ITGB6: variants seen among roughly 807,000 people sequenced by gnomAD.
ITGB6 encodes integrin subunit beta 6, also known as integrin beta-6.
In ITGB6, 80 loss-of-function variants were observed where a neutral mutation model predicts 84.5. The ratio of observed to expected loss-of-function variants is 0.95; its 90% CI spans 0.79 to 1.14. The LOEUF is 1.14. ITGB6 is among the 50% of genes most tolerant of loss of function. The pLI is 0.00. For missense variants in ITGB6, 1,006 were observed against 968.0 expected (o/e 1.04, Z -0.52); for synonymous variants, 383 against 354.9 (o/e 1.08, Z -0.89).
At chr2:160,125,544 GA>G (rs1683203381) in intron 11 of ITGB6, among the ~76,000 whole-genome samples, 2 of 152,220 alleles carry the variant, frequency 1.3e-5, no homozygotes, top group Admixed American at 6.5e-5. Flanking sequence ...CAGTGGCAGA[GA>G]AGTTTTGACA....
chr2:160,148,596 G>A (rs998142650), intron 7 of ITGB6, among the ~76,000 whole-genome samples: 1 of 152,190 alleles, frequency 6.6e-6, no homozygotes, highest in Admixed American at 6.5e-5. Context: ...ATTGGGACTG[G>A]CTGGACAAAG....
intron 10 of ITGB6, among the ~76,000 whole-genome samples, chr2:160,132,646 C>A (rs531255475): frequency 6.6e-6 from 1 of 152,102 alleles, no homozygotes; most frequent in Admixed American, 6.6e-5. Context: ...ATATTTCAAT[C>A]TATAAGACAA....
intron 4 of ITGB6, among the ~76,000 whole-genome samples, chr2:160,188,883 C>T (rs909568141): frequency 1.3e-5 from 2 of 152,066 alleles, no homozygotes; most frequent in South Asian, 2.1e-4. Flanking sequence ...GGATTGCAGG[C>T]GTGAGCCATC....
chr2:160,107,803 A>T lies in ITGB6; in HGVS notation c.2144T>A (p.Val715Asp), dbSNP rs573911717. ...CCCGATGAGAAGAATAGCCAGGGAA[A>T]CCCCTAACATGATCATGGGAATGTT... Reference protein sequence around the residue: ...PPNIPMIMLGVSLAILLIGVV... With the variant: ...PPNIPMIMLGDSLAILLIGVV... The change falls in exon 14 of 15, where the codon GTT (valine) becomes GAT (aspartate). Residue 715 changes from valine (V) to aspartate (D), a missense_variant. Val to Asp is a radical substitution (Grantham distance 152). Transcript: ENST00000283249. 4 of 1,613,404 alleles carry T rather than the reference A, an allele frequency of 2.5e-6. No homozygotes were observed. The highest frequency in any genetic ancestry group is 3.4e-6 in the Non-Finnish European group (4 of 1,179,558).
intron 7 of ITGB6, among the ~76,000 whole-genome samples, chr2:160,160,615 ATACTCT>A (rs1274162979): frequency 6.6e-6 from 1 of 152,158 alleles, no homozygotes; most frequent in African/African-American, 2.4e-5. Context: ...AAAATAGAAA[ATACTCT>A]TAAACTCTTC....
intron 7 of ITGB6, among the ~76,000 whole-genome samples, chr2:160,161,534 A>G (rs1684815271): frequency 2.0e-5 from 3 of 152,022 alleles, no homozygotes; most frequent in Admixed American, 2.0e-4. Context: ...CGAGTGAACC[A>G]CCCACCTCTG....
At chr2:160,122,148 G>A (rs1203844653) in intron 12 of ITGB6, among the ~76,000 whole-genome samples, 2 of 151,972 alleles carry the variant, frequency 1.3e-5, no homozygotes, top group Non-Finnish European at 2.9e-5. Context: ...AATGGTATTA[G>A]TAATCCAATT....
intron 10 of ITGB6, among the ~76,000 whole-genome samples, chr2:160,131,365 A>G (rs1439510704): frequency 6.6e-6 from 1 of 152,206 alleles, no homozygotes; most frequent in Non-Finnish European, 1.5e-5. Context: ...AAGCTGTATG[A>G]AAAAGAACAT....
intron 7 of ITGB6, among the ~76,000 whole-genome samples, chr2:160,147,951 A>G (rs34215488): frequency 0.045 from 6,810 of 152,334 alleles, 193 homozygotes; most frequent in Middle Eastern, 0.11. Flanking sequence ...ACAATCCATG[A>G]AAGAAAAAAT....
chr2:160,125,467 A>G (rs966820109), intron 11 of ITGB6, among the ~76,000 whole-genome samples: 2 of 152,232 alleles, frequency 1.3e-5, no homozygotes, highest in African/African-American at 4.8e-5. Flanking sequence ...ATTAGATCCT[A>G]TTCAAATCAT....
At chr2:160,138,510 A>T (rs1683863307) in intron 8 of ITGB6, among the ~76,000 whole-genome samples, 1 of 152,212 alleles carries the variant, frequency 6.6e-6, no homozygotes, top group Non-Finnish European at 1.5e-5. Flanking sequence ...TTGCTTTGAA[A>T]ATCATTTTAT....
Position 160,154,438 on chromosome 2 carries a change from TG to T in ITGB6, c.1018-12368del, listed in dbSNP as rs1223259390. On this transcript the variant is annotated intron_variant, in intron 7 of 14. Transcript: ENST00000283249. Reference sequence around the variant, plus strand: ...TCACACAGCAGGGCCTGTTATGGGGTGGGGGGCTGGGGGAGGGATAGCATTA... The same window carrying T: ...TCACACAGCAGGGCCTGTTATGGGGTGGGGGCTGGGGGAGGGATAGCATTA... Among the ~76,000 whole-genome samples the T allele has an allele frequency of 6.7e-5, 4 of 59,442 alleles. No homozygotes were observed. The Admixed American group carries it at 7.5e-4, about 11-fold the overall frequency. 39.0% of individuals were successfully genotyped at this position (59,442 alleles called of 152,430 possible).
At chr2:160,115,713 C>T (rs371769154) in intron 12 of ITGB6, among the ~76,000 whole-genome samples, 23 of 152,216 alleles carry the variant, frequency 1.5e-4, no homozygotes, top group South Asian at 6.2e-4. Flanking sequence ...CAAACTACTC[C>T]GAGCTACAGG....
intron 2 of ITGB6, 137 bp from the exon 3 acceptor site, chr2:160,196,557 A>G (rs1686347405): frequency 3.0e-6 from 2 of 677,270 alleles, no homozygotes; most frequent in South Asian, 1.9e-5. Context: ...TACATGACTA[A>G]CATTGATTAT....
chr2:160,111,509 C>T (rs969882412), intron 13 of ITGB6, among the ~76,000 whole-genome samples: 3 of 151,742 alleles, frequency 2.0e-5, no homozygotes, highest in African/African-American at 7.3e-5. Flanking sequence ...TCCAGGGGCA[C>T]TCGGCATACC....
At chr2:160,192,660 C>T (rs750767798) in intron 4 of ITGB6, among the ~76,000 whole-genome samples, 3 of 151,890 alleles carry the variant, frequency 2.0e-5, no homozygotes, top group South Asian at 2.1e-4. Flanking sequence ...CCAAAGGTAT[C>T]GCCAGAAAAA....
chr2:160,181,662 G>C (rs1685677863), intron 4 of ITGB6, among the ~76,000 whole-genome samples: 3 of 152,350 alleles, frequency 2.0e-5, no homozygotes, highest in Middle Eastern at 6.8e-3. Context: ...GCCTCCTCAA[G>C]TGGGTCCCTG....
rs959746887 is a variant in ITGB6 at position 160,101,395 on chromosome 2, T to C, written c.*341A>G. ...ACTTTGCCGAGACAAAAAACTCAGG[T>C]AGCTGCATTCCTGAAACAAATGAGA... On this transcript the variant is annotated 3_prime_UTR_variant, in exon 15 of 15. Transcript: ENST00000283249. The C allele has an allele frequency of 7.7e-6, 2 of 259,672 alleles. No individual in the cohort carries two copies. The highest frequency in any genetic ancestry group is 4.7e-5 in the African/African-American group (2 of 42,666). The allele number at this position is 259,672 out of a possible 1,614,324, so 16.1% of individuals were successfully genotyped here.
At chr2:160,178,095 G>A (rs1272969800) in intron 4 of ITGB6, among the ~76,000 whole-genome samples, 2 of 152,128 alleles carry the variant, frequency 1.3e-5, no homozygotes, top group Admixed American at 6.5e-5. Flanking sequence ...GGCTGGTCTC[G>A]AGCTCCTGAC....
Sources: allele counts gnomAD v4.1 joint callset (sites outside exome capture counted in the v4.1 genomes callset), GRCh38; gene constraint gnomAD v4.1.1; transcripts MANE v1.5; gene names NCBI Gene and HGNC (gene_info 2026-07-23, HGNC 2026-07-21).